The following TSPO2 variants were observed in gnomAD, a reference collection of about 807,000 sequenced individuals.
The protein encoded by TSPO2 is benzodiazapine receptor (peripheral)-like 1.
TSPO2 carries 15 observed loss-of-function variants against 13.3 expected under a neutral mutation model. The observed-to-expected ratio is 1.13, with a 90% CI of 0.75 to 1.73. TSPO2 has a LOEUF of 1.73. TSPO2 is among the 40% of genes most tolerant of loss of function. The pLI, the probability that TSPO2 is intolerant of heterozygous loss-of-function variation, is 0.00. For missense variants in TSPO2, 202 were observed against 198.3 expected (o/e 1.02, Z -0.11); for synonymous variants, 81 against 91.6 (o/e 0.88, Z 0.66).
In TSPO2 at chr6:41,042,488, A is replaced by T. The variant is rs1307913686; in HGVS notation, c.-311A>T. 5.8e-6 allele frequency: 2 copies of T among 342,532 alleles called. No homozygotes were observed. Among genetic ancestry groups the T allele is most frequent in the Non-Finnish European group, 1.2e-5 (2 of 172,774 alleles). The allele number at this position is 342,532 out of a possible 1,614,324, so 21.2% of individuals were successfully genotyped here. On this transcript the variant is annotated 5_prime_UTR_variant, in exon 1 of 4. Transcript: ENST00000373161. ...GGACAGATGTGCTGCCGCATTCGTG[A>T]CTAGAAAAGAGTCCCCAGGAATTTC...
rs1366320759 is a variant in TSPO2 at position 41,042,648 on chromosome 6, T to C, written c.-151T>C. ...AAAGCTCATCACCCGGGACCTGATC[T>C]CCAGGACTCAGAAGCACTTGGAGGA... On this transcript the variant is annotated 5_prime_UTR_variant, in exon 1 of 4. Transcript: ENST00000373161. The C allele has an allele frequency of 3.9e-6, 2 of 509,496 alleles. No individual in the cohort carries two copies. Among genetic ancestry groups the C allele is most frequent in the Non-Finnish European group, 7.6e-6 (2 of 262,290 alleles). 31.6% of individuals were successfully genotyped at this position (509,496 alleles called of 1,614,324 possible). A position where few individuals can be genotyped will look rare whatever the true frequency, so the allele number is the denominator to read the frequency against.
Position 41,043,022 on chromosome 6 carries a change from C to G in TSPO2, c.37C>G (p.His13Asp). Reference protein sequence around the residue: ...LQGAIFVLLPHLGPILVWLFT... With the variant: ...LQGAIFVLLPDLGPILVWLFT... ...AGGGGCTATCTTTGTGCTCCTGCCCCACCTGGGGCCCATCCTGGTCTGGCT... is the reference window on the plus strand; with the variant it reads ...AGGGGCTATCTTTGTGCTCCTGCCCGACCTGGGGCCCATCCTGGTCTGGCT... The change falls in exon 2 of 4, where the codon CAC (histidine) becomes GAC (aspartate). Residue 13 changes from histidine to aspartate, a missense_variant. Coordinates refer to ENST00000373161, the MANE Select transcript of TSPO2 (RefSeq NM_001010873.3). 6.2e-7 allele frequency: 1 copy of G among 1,614,076 alleles called. No homozygotes were observed. The highest frequency in any genetic ancestry group is 8.5e-7 in the Non-Finnish European group (1 of 1,179,992).
At chr6:41,041,793 T>C (rs896547168), upstream of TSPO2, among the ~76,000 whole-genome samples, 10 of 152,178 alleles carry the variant, frequency 6.6e-5, no homozygotes, top group Non-Finnish European at 1.2e-4. Flanking sequence ...CTGACCAACA[T>C]GGCAAAACCC....
In TSPO2 at chr6:41,043,006, C is replaced by T. The variant is rs772799481; in HGVS notation, c.21C>T (p.Ile7=). MRLQGA[I]FVLLPHLGPI... ...GGTGAATGCGGCTTCAAGGGGCTAT[C>T]TTTGTGCTCCTGCCCCACCTGGGGC... The change falls in exon 2 of 4, where the codon ATC becomes ATT. Residue 7 remains isoleucine, a synonymous_variant. Transcript: ENST00000373161. The T allele has an allele frequency of 1.2e-6, 2 of 1,614,008 alleles. No individual in the cohort carries two copies. Among genetic ancestry groups the T allele is most frequent in the South Asian group, 2.2e-5 (2 of 91,062 alleles).
chr6:41,043,512 C>T (rs192250333), intron 2 of TSPO2, 45 bp from the exon 3 acceptor site: 41 of 1,534,420 alleles, frequency 2.7e-5, no homozygotes, highest in East Asian at 1.4e-4. Context: ...CCATTTGCCA[C>T]GGAACCTCCT....
Position 41,043,185 on chromosome 6 carries a change from C to T in TSPO2, c.173+27C>T, listed in dbSNP as rs766649800. Reference sequence around the variant, plus strand: ...TGAGTACTTGTTTCTCACACATGGCCCTGGTACCCAATGGGGTGGGAACAA... The same window carrying T: ...TGAGTACTTGTTTCTCACACATGGCTCTGGTACCCAATGGGGTGGGAACAA... On this transcript the variant is annotated intron_variant, in intron 2 of 3. Coordinates refer to ENST00000373161, the MANE Select transcript of TSPO2 (RefSeq NM_001010873.3). 8.2e-6 allele frequency: 13 copies of T among 1,590,066 alleles called. No individual in the cohort carries two copies. In the East Asian group the frequency reaches 2.9e-4, roughly 36 times the overall value.
In TSPO2 at chr6:41,042,626, G is replaced by A; in HGVS notation, c.-173G>A. 2.1e-6 allele frequency: 1 copy of A among 478,726 alleles called. No individual in the cohort carries two copies. The highest frequency in any genetic ancestry group is 4.1e-6 in the Non-Finnish European group (1 of 242,872). 29.7% of individuals were successfully genotyped at this position (478,726 alleles called of 1,614,324 possible). A position where few individuals can be genotyped will look rare whatever the true frequency, so the allele number is the denominator to read the frequency against. ...GCTAAGCGCTGCCCACTGCAGAAAA[G>A]CTCATCACCCGGGACCTGATCTCCA... On this transcript the variant is annotated 5_prime_UTR_variant, in exon 1 of 4. Transcript: ENST00000373161.
chr6:41,042,808 G>T, intron 1 of TSPO2, 30 bp downstream of exon 1: 1 of 741,616 alleles, frequency 1.3e-6, no homozygotes, highest in Non-Finnish European at 2.4e-6. Context: ...AGAGCTCAGA[G>T]GTACAGGACT....
chr6:41,043,828 C>A, intron 3 of TSPO2, 112 bp from the exon 4 acceptor site: 1 of 1,526,128 alleles, frequency 6.6e-7, no homozygotes, highest in East Asian at 2.3e-5. Flanking sequence ...CTCTGCACTC[C>A]CATGGTGTGC....
chr6:41,042,923 C>T lies in TSPO2; in HGVS notation c.-20-43C>T, dbSNP rs530975605. The T allele has an allele frequency of 1.9e-4, 303 of 1,593,556 alleles. 4 individuals are homozygous for T. In the South Asian group the frequency reaches 3.2e-3, roughly 17 times the overall value. ...TAGGAGGCAGAGACAGACGAGGAGC[C>T]GCAGGGGAAGGCTCATCACTAGCAT... On this transcript the variant is annotated intron_variant, in intron 1 of 3. Transcript: ENST00000373161.
Position 41,042,688 on chromosome 6 carries a change from A to C in TSPO2, c.-111A>C, listed in dbSNP as rs568724387. ...CACTTGGAGGAAGGCCTATTCACTT[A>C]GAAGCAGTTACCAGTGCTGGGCAGT... On this transcript the variant is annotated 5_prime_UTR_variant, in exon 1 of 4. Coordinates refer to ENST00000373161, the MANE Select transcript of TSPO2 (RefSeq NM_001010873.3). 13 of 578,222 alleles carry C rather than the reference A, an allele frequency of 2.2e-5. No individual in the cohort carries two copies. The East Asian group carries it at 4.4e-4, about 20-fold the overall frequency. The allele number at this position is 578,222 out of a possible 1,614,324, so 35.8% of individuals were successfully genotyped here.
Position 41,043,672 on chromosome 6 carries a change from T to C in TSPO2, c.289T>C (p.Phe97Leu), listed in dbSNP as rs1306862047. Residue 97 changes from phenylalanine to leucine, a missense_variant, in exon 3 of 4, where the codon TTT (phenylalanine) becomes CTT (leucine). By Grantham distance (22) the Phe-to-Leu change is conservative. Coordinates refer to ENST00000373161, the MANE Select transcript of TSPO2 (RefSeq NM_001010873.3). ...LTISWTVLVL[F>L]FTVHNPGLAL... ...CATCAGCTGGACTGTCCTGGTTCTC[T>C]TTTTCACAGTCCACAACCCTGGTCT... The C allele has an allele frequency of 1.9e-6, 3 of 1,609,710 alleles. No homozygotes were observed. Among genetic ancestry groups the C allele is most frequent in the East Asian group, 2.2e-5 (1 of 44,792 alleles).
Position 41,043,748 on chromosome 6 carries a change from C to A in TSPO2, c.315+50C>A, listed in dbSNP as rs1430501508. The A allele has an allele frequency of 1.3e-5, 20 of 1,564,712 alleles. No homozygotes were observed. In the South Asian group the frequency reaches 2.0e-4, roughly 16 times the overall value. On this transcript the variant is annotated intron_variant, in intron 3 of 3. Transcript: ENST00000373161. ...AGAAGTAATGTGGGAGAGGGTGAAA[C>A]CACCTGGCTCCAGAAGCACATAATT...
rs771951042 is a variant in TSPO2 at position 41,044,145 on chromosome 6, G to A, written c.*8G>A. 1 of 1,614,052 alleles carries A rather than the reference G, an allele frequency of 6.2e-7. No individual in the cohort carries two copies. The highest frequency in any genetic ancestry group is 1.1e-5 in the South Asian group (1 of 91,020). ...ACGGAGAAGAGTGACTGAGGCCCTA[G>A]GGCATGGGAGAGGAGGGACGCCCAG... On this transcript the variant is annotated 3_prime_UTR_variant, in exon 4 of 4. Transcript: ENST00000373161.
Position 41,044,238 on chromosome 6 carries a change from G to T in TSPO2, c.*101G>T. On this transcript the variant is annotated 3_prime_UTR_variant, in exon 4 of 4. Transcript: ENST00000373161. ...TTCACCCCAATGGGACCACCCTCCT[G>T]GGTCCCCTGGTGCCGTTTTTCCTTA... 8.1e-7 allele frequency: 1 copy of T among 1,227,014 alleles called. No homozygotes were observed. The highest frequency in any genetic ancestry group is 1.3e-5 in the South Asian group (1 of 75,722). 76.0% of individuals were successfully genotyped at this position (1,227,014 alleles called of 1,614,324 possible).
At position 41,043,710 on chromosome 6, in the gene TSPO2, A is replaced by G. The variant is rs751551301; in HGVS notation, c.315+12A>G. The G allele has an allele frequency of 3.8e-6, 6 of 1,582,836 alleles. No individual in the cohort carries two copies. The South Asian group carries it at 6.9e-5, about 18-fold the overall frequency. On this transcript the variant is annotated intron_variant, in intron 3 of 3. Coordinates refer to ENST00000373161, the MANE Select transcript of TSPO2 (RefSeq NM_001010873.3). ...ACAACCCTGGTCTGGTAAGGCACAC[A>G]GTGCTCAGTAGCAGAAGTAATGTGG...
Position 41,043,137 on chromosome 6 carries a change from C to T in TSPO2, c.152C>T (p.Thr51Ile). 1 of 1,613,248 alleles carries T rather than the reference C, an allele frequency of 6.2e-7. No individual in the cohort carries two copies. Among genetic ancestry groups the T allele is most frequent in the Non-Finnish European group, 8.5e-7 (1 of 1,179,556 alleles). ...TACAAAGTCTTATTGCTTGTACAGACAGCCATCTACTCTGTCGTGGGGTGA... is the reference window on the plus strand; with the variant it reads ...TACAAAGTCTTATTGCTTGTACAGATAGCCATCTACTCTGTCGTGGGGTGA... ...PFYKVLLLVQ[T>I]AIYSVVGYAS... The change falls in exon 2 of 4, where the codon ACA becomes ATA. Residue 51 changes from threonine (T) to isoleucine (I), a missense_variant. Thr to Ile is a moderately conservative substitution (Grantham distance 89, BLOSUM62 -1). Coordinates refer to ENST00000373161, the MANE Select transcript of TSPO2 (RefSeq NM_001010873.3).
intron 3 of TSPO2, 49 bp from the exon 4 acceptor site, chr6:41,043,891 G>A (rs1454717970): frequency 1.9e-6 from 3 of 1,585,428 alleles, no homozygotes; most frequent in Admixed American, 3.5e-5. Flanking sequence ...CAGAAAGGTG[G>A]AGGTGCTGGT....
rs780023390 is a variant in TSPO2 at position 41,043,069 on chromosome 6, T to C, written c.84T>C (p.Ser28=). The C allele has an allele frequency of 1.9e-6, 3 of 1,614,194 alleles. No individual in the cohort carries two copies. Among genetic ancestry groups the C allele is most frequent in the Non-Finnish European group, 1.7e-6 (2 of 1,180,032 alleles). The change falls in exon 2 of 4, where the codon TCT becomes TCC. Residue 28 remains serine, a synonymous_variant. Transcript: ENST00000373161. ...GGCTGTTCACTCGTGATCACATGTC[T>C]GGTTGGTGTGAGGGCCCGAGGATGC... is the stretch of plus-strand genomic sequence containing the variant. ...LVWLFTRDHM[S]GWCEGPRMLS...
Sources: gnomAD v4.1 joint callset for allele counts (sites outside exome capture counted in the v4.1 genomes callset) on GRCh38, gnomAD v4.1.1 for gene constraint, MANE v1.5 for transcripts, NCBI Gene and HGNC (gene_info 2026-07-23, HGNC 2026-07-21) for gene names.